LEO1: variants seen among roughly 807,000 people sequenced by gnomAD.
LEO1 encodes the protein LEO1 component of Paf1/RNA polymerase II complex, also known as RNA polymerase-associated protein LEO1.
LEO1 carries 34 observed loss-of-function variants against 80.4 expected under a neutral mutation model. The ratio of observed to expected loss-of-function variants is 0.42; its 90% CI spans 0.32 to 0.56. The LOEUF (loss-of-function observed/expected upper bound fraction) is 0.56. Among genes scored for constraint, LEO1 ranks in the 20% least tolerant of loss-of-function variants. The probability of loss-of-function intolerance (pLI) is 0.10; values close to 1 mark genes in which losing one functional copy is unlikely to be tolerated. For synonymous variants in LEO1, 262 were observed against 274.9 expected (o/e 0.95, Z 0.46); for missense variants, 631 against 814.2 (o/e 0.77, Z 2.74).
intron 11 of LEO1, among the ~76,000 whole-genome samples, chr15:51,944,245 G>A (rs1005419736): frequency 1.3e-5 from 2 of 152,126 alleles, no homozygotes; most frequent in Non-Finnish European, 2.9e-5. Flanking sequence ...ATCTCAAGAC[G>A]ATAAAGAGCT....
In LEO1 at chr15:51,949,942, C is replaced by T. The variant is rs1595935279; in HGVS notation, c.1664G>A (p.Arg555Gln). 6.2e-6 allele frequency: 10 copies of T among 1,613,888 alleles called. No homozygotes were observed. Among genetic ancestry groups the T allele is most frequent in the Admixed American group, 1.7e-5 (1 of 59,998 alleles). Residue 555 changes from arginine (R) to glutamine (Q), a missense_variant, in exon 10 of 12, where the codon CGA (arginine) becomes CAA (glutamine). Arg to Gln is a conservative substitution (Grantham distance 43, BLOSUM62 1). Coordinates refer to ENST00000299601, the MANE Select transcript of LEO1 (RefSeq NM_138792.4). ...CCGCTGGTGCTGTTTCTCTCTCATT[C>T]GGCGCTGCTGAGATTCCCTACGTAT... ...ASIRRESQQR[R>Q]MREKQHQRGL...
intron 11 of LEO1, among the ~76,000 whole-genome samples, chr15:51,945,975 A>T (rs1415010683): frequency 2.0e-5 from 3 of 151,914 alleles, no homozygotes; most frequent in Non-Finnish European, 4.4e-5. Flanking sequence ...CAGAGCTTGC[A>T]GTGAACCGAG....
chr15:51,945,394 C>T (rs1406361973), intron 11 of LEO1, among the ~76,000 whole-genome samples: 3 of 152,028 alleles, frequency 2.0e-5, no homozygotes, highest in Admixed American at 6.6e-5. Context: ...ACATGCCAGG[C>T]AGGTTCCCAC....
chr15:51,959,890 T>A lies in LEO1; in HGVS notation c.1160+9A>T. 6.4e-7 allele frequency: 1 copy of A among 1,556,850 alleles called. No homozygotes were observed. The highest frequency in any genetic ancestry group is 8.7e-7 in the Non-Finnish European group (1 of 1,155,494). On this transcript the variant is annotated intron_variant, in intron 5 of 11. Coordinates refer to ENST00000299601, the MANE Select transcript of LEO1 (RefSeq NM_138792.4). ...AACATCCTGAAAAAATTTTAATTGA[T>A]TTCCTTACCTGGGCTCTACACTGAG...
At chr15:51,954,157 T>A (rs1175254076) in intron 7 of LEO1, among the ~76,000 whole-genome samples, 2 of 151,270 alleles carry the variant, frequency 1.3e-5, no homozygotes, top group African/African-American at 4.8e-5. Flanking sequence ...ACTCCTGACC[T>A]CGTGATCCAC....
At position 51,962,467 on chromosome 15, in the gene LEO1, C is replaced by G; in HGVS notation, c.841G>C (p.Asp281His). ...TTGCGTTTCATTCGTAAAACTTCAT[C>G]TTCACTATCACTGCCTCTTGCAGAT... ...SESARGSDSEDEVLRMKRKNA... is the reference protein window; with the variant it reads ...SESARGSDSEHEVLRMKRKNA... Residue 281 changes from aspartate to histidine, a missense_variant, in exon 3 of 12, where the codon GAT becomes CAT. Asp to His is a moderately conservative substitution (Grantham distance 81). Around this residue, in one of 4 missense-constraint regions of LEO1, gnomAD observed 394 missense variants for 395.6 expected, o/e 1.00. Coordinates refer to ENST00000299601, the MANE Select transcript of LEO1 (RefSeq NM_138792.4). The G allele has an allele frequency of 6.2e-7, 1 of 1,613,322 alleles. No homozygotes were observed. Among genetic ancestry groups the G allele is most frequent in the South Asian group, 1.1e-5 (1 of 91,054 alleles).
Position 51,971,776 on chromosome 15 carries a change from G to A in LEO1, c.-31C>T. 1 of 1,612,374 alleles carries A rather than the reference G, an allele frequency of 6.2e-7. No individual in the cohort carries two copies. Among genetic ancestry groups the A allele is most frequent in the Non-Finnish European group, 8.5e-7 (1 of 1,178,478 alleles). On this transcript the variant is annotated 5_prime_UTR_variant, in exon 1 of 12. Transcript: ENST00000299601. ...CTCACGTCCGCTGCTGCCTCGGTTA[G>A]GGGCAGCTCCCGGCCTCTCTTTACG...
chr15:51,948,702 A>G (rs1358054106), intron 10 of LEO1, among the ~76,000 whole-genome samples: 1 of 152,248 alleles, frequency 6.6e-6, no homozygotes, highest in Non-Finnish European at 1.5e-5. Context: ...TGTCACAATG[A>G]GGTAACAGAA....
At chr15:51,940,346 G>A (rs1222579085) in intron 11 of LEO1, among the ~76,000 whole-genome samples, 2 of 150,426 alleles carry the variant, frequency 1.3e-5, no homozygotes, top group Non-Finnish European at 2.9e-5. Context: ...AGATCACGAG[G>A]TCAGGAGTTC....
intron 9 of LEO1, 93 bp downstream of exon 9, chr15:51,951,751 A>C: frequency 1.1e-5 from 12 of 1,058,036 alleles, no homozygotes; most frequent in East Asian, 2.5e-5. Context: ...AGGAAAAGGT[A>C]GGCCAATAAG....
At chr15:51,946,975 C>T in intron 11 of LEO1, 1 of 299,500 alleles carries the variant, frequency 3.3e-6, no homozygotes, top group Admixed American at 5.4e-5. Flanking sequence ...CAGGGACCTG[C>T]ACCTTTTCTT....
At position 51,938,131 on chromosome 15, in the gene LEO1, A is replaced by G; in HGVS notation, c.*25T>C. 1 of 1,178,782 alleles carries G rather than the reference A, an allele frequency of 8.5e-7. No homozygotes were observed. Among genetic ancestry groups the G allele is most frequent in the Non-Finnish European group, 1.2e-6 (1 of 802,892 alleles). 73.0% of individuals were successfully genotyped at this position (1,178,782 alleles called of 1,614,324 possible). On this transcript the variant is annotated 3_prime_UTR_variant, in exon 12 of 12. Coordinates refer to ENST00000299601, the MANE Select transcript of LEO1 (RefSeq NM_138792.4). ...TATTTATAACTGTACAATAAAATAT[A>G]TAAAATGTTTTCATATTTCATACTT... is the stretch of plus-strand genomic sequence containing the variant.
chr15:51,955,273 G>A (rs892650341), intron 6 of LEO1, among the ~76,000 whole-genome samples: 6 of 151,978 alleles, frequency 3.9e-5, no homozygotes, highest in African/African-American at 7.3e-5. Flanking sequence ...CCTGTATAAA[G>A]CAAGTTCTCT....
chr15:51,960,171 C>T (rs1331905432), intron 4 of LEO1, 127 bp from the exon 5 acceptor site: 9 of 692,788 alleles, frequency 1.3e-5, no homozygotes, highest in Non-Finnish European at 2.1e-5. Flanking sequence ...TAAAGAAGTC[C>T]CCAGTCCCCA....
intron 9 of LEO1, among the ~76,000 whole-genome samples, chr15:51,951,182 G>A (rs1027957196): frequency 6.6e-6 from 1 of 152,198 alleles, no homozygotes; most frequent in East Asian, 1.9e-4. Flanking sequence ...CAAGAGGCAG[G>A]GTGGGCAAAG....
chr15:51,951,749 G>C, intron 9 of LEO1, 95 bp downstream of exon 9: 1 of 1,080,992 alleles, frequency 9.3e-7, no homozygotes, highest in Middle Eastern at 2.1e-4. Flanking sequence ...AGAGGAAAAG[G>C]TAGGCCAATA....
chr15:51,957,708 A>G (rs1281683785), intron 6 of LEO1, among the ~76,000 whole-genome samples: 2 of 152,290 alleles, frequency 1.3e-5, no homozygotes, highest in East Asian at 1.9e-4. Context: ...ATGCCAGACT[A>G]TCCCTTTCTA....
intron 5 of LEO1, among the ~76,000 whole-genome samples, 181 bp downstream of exon 5, chr15:51,959,718 T>G (rs2057015652): frequency 6.6e-6 from 1 of 152,222 alleles, no homozygotes; most frequent in African/African-American, 2.4e-5. Context: ...ATCATAGCAT[T>G]AAAAGCCTCC....
At chr15:51,951,635 G>T (rs997623817) in intron 9 of LEO1, among the ~76,000 whole-genome samples, 1 of 152,188 alleles carries the variant, frequency 6.6e-6, no homozygotes, top group Admixed American at 6.5e-5. Flanking sequence ...GCCTGGTGAA[G>T]AGAGAACCTG....
Sources: gnomAD v4.1 joint callset for allele counts (sites outside exome capture counted in the v4.1 genomes callset) on GRCh38, gnomAD v4.1.1 for gene constraint, gnomAD v4.1.1 regional missense constraint, MANE v1.5 for transcripts, NCBI Gene and HGNC (gene_info 2026-07-23, HGNC 2026-07-21) for gene names.